Variants in COL15A1 observed in about 807,000 individuals in gnomAD.
The protein encoded by COL15A1 is collagen alpha-1(XV) chain.
Under a neutral mutation model 165.9 loss-of-function variants are expected in COL15A1, and 111 were observed. That is an observed-to-expected ratio of 0.67 (90% CI 0.57 to 0.78). The LOEUF is 0.78. Among genes scored for constraint, COL15A1 ranks in the 30% least tolerant of loss-of-function variants. The pLI, the probability that COL15A1 is intolerant of heterozygous loss-of-function variation, is 0.00. For missense variants in COL15A1, 1,745 were observed against 1,789.7 expected (o/e 0.98, Z 0.45); for synonymous variants, 659 against 674.8 (o/e 0.98, Z 0.36).
intron 35 of COL15A1, among the ~76,000 whole-genome samples, chr9:99,058,418 G>C (rs1825759943): frequency 6.6e-6 from 1 of 152,168 alleles, no homozygotes. Context: ...GTCCTACAAA[G>C]GAAGAAGGTG....
At chr9:98,978,115 G>A (rs56997979) in intron 2 of COL15A1, among the ~76,000 whole-genome samples, 29,521 of 152,170 alleles carry the variant, frequency 0.19, 3,213 homozygotes, top group African/African-American at 0.29. Context: ...CCTGGCCATG[G>A]AAGTCTCCCT....
intron 16 of COL15A1, among the ~76,000 whole-genome samples, chr9:99,029,999 A>G (rs977879061): frequency 5.3e-5 from 8 of 152,220 alleles, no homozygotes; most frequent in African/African-American, 1.9e-4. Context: ...TATTACAAAC[A>G]GCAGAAGGAA....
intron 40 of COL15A1, 29 bp from the exon 41 acceptor site, chr9:99,068,526 G>T: frequency 8.6e-6 from 7 of 815,714 alleles, no homozygotes; most frequent in Non-Finnish European, 1.3e-5. Flanking sequence ...ATGGTATAAT[G>T]ATTCTAATGT....
intron 2 of COL15A1, among the ~76,000 whole-genome samples, chr9:98,975,104 G>T (rs1838121855): frequency 6.6e-6 from 1 of 152,242 alleles, no homozygotes; most frequent in African/African-American, 2.4e-5. Context: ...AGCCGCTGCC[G>T]CGCACGGTCC....
Position 99,064,528 on chromosome 9 carries a change from G to A in COL15A1, c.3651+1419G>A, listed in dbSNP as rs150006088. ...TGTAGATGAGCCATGCAATTACTAC[G>A]GGGCTGGTTGGATTCCCAAAAGAGA... is the stretch of plus-strand genomic sequence containing the variant. On this transcript the variant is annotated intron_variant, in intron 39 of 41. Coordinates refer to ENST00000375001, the MANE Select transcript of COL15A1 (RefSeq NM_001855.5). Among the ~76,000 whole-genome samples the A allele has an allele frequency of 2.4e-3, 370 of 152,256 alleles. 3 individuals are homozygous for A. The highest frequency in any genetic ancestry group is 8.6e-3 in the African/African-American group (357 of 41,536).
At chr9:99,065,733 G>GA in intron 39 of COL15A1, among the ~76,000 whole-genome samples, 1 of 150,022 alleles carries the variant, frequency 6.7e-6, no homozygotes, top group Non-Finnish European at 1.5e-5. Context: ...GCAGGTGGCA[G>GA]CCTTGGGGTC....
intron 27 of COL15A1, 41 bp downstream of exon 27, chr9:99,047,880 C>T (rs1211808010): frequency 1.9e-6 from 3 of 1,610,178 alleles, no homozygotes; most frequent in East Asian, 2.2e-5. Flanking sequence ...AGGGGGAGGA[C>T]ACGTGGGCCA....
At chr9:99,066,788 A>G in intron 39 of COL15A1, 94 bp from the exon 40 acceptor site, 1 of 1,169,988 alleles carries the variant, frequency 8.5e-7, no homozygotes. Flanking sequence ...TTCCAGCCTA[A>G]GAAGTCTGGA....
intron 40 of COL15A1, 54 bp downstream of exon 40, chr9:99,067,121 C>T (rs1361750170): frequency 1.4e-6 from 2 of 1,466,542 alleles, no homozygotes; most frequent in Admixed American, 1.9e-5. Flanking sequence ...CGCTACAGGG[C>T]CTGGAGGCAG....
At chr9:98,948,178 A>G (rs1837614658) in intron 2 of COL15A1, among the ~76,000 whole-genome samples, 1 of 152,208 alleles carries the variant, frequency 6.6e-6, no homozygotes, top group African/African-American at 2.4e-5. Context: ...CAAAGGGGTC[A>G]TAGTTCACAG....
intron 9 of COL15A1, among the ~76,000 whole-genome samples, chr9:99,008,871 A>G (rs968275354): frequency 2.0e-5 from 3 of 152,232 alleles, no homozygotes; most frequent in Non-Finnish European, 2.9e-5. Flanking sequence ...CAGCCTCCCA[A>G]AGTGCTGGGA....
At chr9:98,972,751 A>T (rs570011125) in intron 2 of COL15A1, among the ~76,000 whole-genome samples, 81 of 152,316 alleles carry the variant, frequency 5.3e-4, no homozygotes, top group African/African-American at 1.8e-3. Context: ...ATGTCTAAGC[A>T]TATGAGAGCA....
intron 6 of COL15A1, among the ~76,000 whole-genome samples, chr9:98,998,979 C>T (rs1838598377): frequency 6.6e-6 from 1 of 152,226 alleles, no homozygotes; most frequent in African/African-American, 2.4e-5. Flanking sequence ...GAAGGGGCCA[C>T]CCCACCTCCT....
In COL15A1 at chr9:98,989,266, C is replaced by G. The variant is rs369758486; in HGVS notation, c.804+8C>G. 42 of 1,605,322 alleles carry G rather than the reference C, an allele frequency of 2.6e-5. No individual in the cohort carries two copies. In the African/African-American group the frequency reaches 5.2e-4, roughly 20 times the overall value. On this transcript the variant is annotated splice_region_variant and intron_variant, in intron 5 of 41. Transcript: ENST00000375001. ...ACCTACACTCAAGCCTCGGTGAGTACTGGGATGCTGTGCCATGTGATCTTG... is the reference window on the plus strand; with the variant it reads ...ACCTACACTCAAGCCTCGGTGAGTAGTGGGATGCTGTGCCATGTGATCTTG...
intron 2 of COL15A1, among the ~76,000 whole-genome samples, chr9:98,961,976 G>A (rs1301408766): frequency 6.6e-6 from 1 of 152,260 alleles, no homozygotes; most frequent in Non-Finnish European, 1.5e-5. Context: ...CACGACAGCT[G>A]CCTGGCAAAG....
chr9:99,000,784 C>A (rs1838637301), intron 6 of COL15A1, 55 bp from the exon 7 acceptor site: 1 of 864,952 alleles, frequency 1.2e-6, no homozygotes. Flanking sequence ...ATACCTCATT[C>A]TTTTCCAAGA....
At chr9:98,991,949 C>T (rs561096212) in intron 5 of COL15A1, among the ~76,000 whole-genome samples, 9 of 152,368 alleles carry the variant, frequency 5.9e-5, no homozygotes, top group African/African-American at 1.9e-4. Flanking sequence ...GGTGCATTTA[C>T]AAACCTTGAG....
intron 9 of COL15A1, among the ~76,000 whole-genome samples, chr9:99,005,328 G>A (rs1457257557): frequency 6.6e-6 from 1 of 152,124 alleles, no homozygotes; most frequent in Non-Finnish European, 1.5e-5. Context: ...CCCACAGGGG[G>A]TGGGAGCCAG....
chr9:99,007,715 G>T (rs1044554495), intron 9 of COL15A1, among the ~76,000 whole-genome samples: 1 of 152,182 alleles, frequency 6.6e-6, no homozygotes, highest in Non-Finnish European at 1.5e-5. Context: ...TAAATAGGTT[G>T]CTGTTATTTT....
Sources: allele counts gnomAD v4.1 joint callset (sites outside exome capture counted in the v4.1 genomes callset), GRCh38; gene constraint gnomAD v4.1.1; transcripts MANE v1.5; gene names NCBI Gene and HGNC (gene_info 2026-07-23, HGNC 2026-07-21).